The following SMYD3 variants were observed in gnomAD, a reference collection of about 807,000 sequenced individuals.
SMYD3 encodes the protein SET and MYND domain containing 3.
A neutral mutation model predicts 57.7 loss-of-function variants in SMYD3; 36 were observed. That is an observed-to-expected ratio of 0.62 (90% CI 0.48 to 0.82). The LOEUF is 0.82. Ranked by LOEUF, SMYD3 falls within the 40% of genes least tolerant of loss-of-function variation. SMYD3 has a pLI of 0.00. For missense variants in SMYD3, 515 were observed against 538.8 expected, an observed-to-expected ratio of 0.96 and a Z score of 0.44; for synonymous variants, 211 against 195.0, an observed-to-expected ratio of 1.08 and a Z score of -0.68.
chr1:246,181,114 GA>G (rs1202079530), intron 5 of SMYD3, among the ~76,000 whole-genome samples: 1 of 152,172 alleles, frequency 6.6e-6, no homozygotes, highest in Non-Finnish European at 1.5e-5. Context: ...CTGGGATGTG[GA>G]AACAAGTGCT....
intron 5 of SMYD3, among the ~76,000 whole-genome samples, chr1:245,995,060 T>A (rs1239814723): frequency 1.3e-5 from 2 of 151,986 alleles, no homozygotes; most frequent in Non-Finnish European, 2.9e-5. Flanking sequence ...GCCACTGCAC[T>A]CCAGCCTGGT....
chr1:245,806,865 G>A (rs188564853), intron 10 of SMYD3, among the ~76,000 whole-genome samples: 71 of 131,010 alleles, frequency 5.4e-4, no homozygotes, highest in East Asian at 5.4e-3. Flanking sequence ...AGCCGAGATC[G>A]CGCCACTGCA....
At chr1:246,268,744 A>G (rs1558364038) in intron 5 of SMYD3, among the ~76,000 whole-genome samples, 1 of 152,042 alleles carries the variant, frequency 6.6e-6, no homozygotes, top group African/African-American at 2.4e-5. Flanking sequence ...AGAAAAGAAA[A>G]GAAAGAAATG....
intron 10 of SMYD3, among the ~76,000 whole-genome samples, chr1:245,777,676 G>C (rs1016762243): frequency 1.3e-5 from 2 of 152,124 alleles, no homozygotes; most frequent in Non-Finnish European, 2.9e-5. Flanking sequence ...AGCCTTATAG[G>C]CTCAAGGTAT....
intron 10 of SMYD3, among the ~76,000 whole-genome samples, chr1:245,856,067 TG>T (rs2051225103): frequency 6.6e-6 from 1 of 152,224 alleles, no homozygotes; most frequent in African/African-American, 2.4e-5. Context: ...CTCATGCACA[TG>T]TGAGAGGTGA....
intron 1 of SMYD3, among the ~76,000 whole-genome samples, chr1:246,359,605 A>G (rs776595346): frequency 2.0e-5 from 3 of 152,170 alleles, no homozygotes; most frequent in Non-Finnish European, 4.4e-5. Context: ...CATCAAAAAG[A>G]TAATTCATCA....
At chr1:245,811,636 C>A (rs1433108931) in intron 10 of SMYD3, among the ~76,000 whole-genome samples, 1 of 152,086 alleles carries the variant, frequency 6.6e-6, no homozygotes, top group Non-Finnish European at 1.5e-5. Flanking sequence ...CTCTCTCTAC[C>A]AGACACATAA....
intron 10 of SMYD3, among the ~76,000 whole-genome samples, chr1:245,798,733 T>G (rs1311563852): frequency 5.3e-5 from 8 of 152,158 alleles, no homozygotes; most frequent in Admixed American, 5.2e-4. Context: ...CCTTATTAGA[T>G]GACCACTCAA....
At chr1:246,268,037 T>C (rs558433016) in intron 5 of SMYD3, among the ~76,000 whole-genome samples, 2 of 152,280 alleles carry the variant, frequency 1.3e-5, no homozygotes, top group African/African-American at 4.8e-5. Context: ...CACTTATCAA[T>C]TGGGAATTGT....
chr1:246,419,302 G>T (rs2067107429), intron 1 of SMYD3, among the ~76,000 whole-genome samples: 3 of 152,206 alleles, frequency 2.0e-5, no homozygotes, highest in African/African-American at 7.2e-5. Flanking sequence ...TGATTAAAAA[G>T]CTTTATTGCT....
At chr1:245,960,477 G>T (rs1214141833) in intron 5 of SMYD3, among the ~76,000 whole-genome samples, 9 of 152,178 alleles carry the variant, frequency 5.9e-5, no homozygotes, top group Admixed American at 5.9e-4. Flanking sequence ...GCATAGGGCT[G>T]GGCACAGTGG....
chr1:246,171,375 T>G (rs918443665), intron 5 of SMYD3, among the ~76,000 whole-genome samples: 1 of 152,188 alleles, frequency 6.6e-6, no homozygotes, highest in Admixed American at 6.5e-5. Flanking sequence ...TCATAACATT[T>G]TAGATCATTC....
At chr1:245,779,933 A>G (rs927545469) in intron 10 of SMYD3, among the ~76,000 whole-genome samples, 2 of 152,228 alleles carry the variant, frequency 1.3e-5, no homozygotes, top group African/African-American at 4.8e-5. Flanking sequence ...GATGCTCAAC[A>G]TGATTAGCCA....
At chr1:246,489,301 G>A (rs1404846070) in intron 1 of SMYD3, among the ~76,000 whole-genome samples, 6 of 152,032 alleles carry the variant, frequency 3.9e-5, no homozygotes, top group Non-Finnish European at 8.8e-5. Flanking sequence ...GCAGTGAGCC[G>A]AGATCATGCC....
intron 5 of SMYD3, among the ~76,000 whole-genome samples, chr1:246,267,535 C>A (rs113255324): frequency 6.6e-6 from 1 of 152,186 alleles, no homozygotes; most frequent in Non-Finnish European, 1.5e-5. Context: ...GCAAACTGTT[C>A]CTGGTATATA....
At chr1:246,103,069 T>C (rs1381550911) in intron 5 of SMYD3, among the ~76,000 whole-genome samples, 1 of 152,206 alleles carries the variant, frequency 6.6e-6, no homozygotes, top group Non-Finnish European at 1.5e-5. Flanking sequence ...ATGTCTTGTA[T>C]TTCTATCCAC....
intron 5 of SMYD3, among the ~76,000 whole-genome samples, chr1:246,176,774 C>T (rs989752576): frequency 6.6e-6 from 1 of 152,174 alleles, no homozygotes; most frequent in Non-Finnish European, 1.5e-5. Flanking sequence ...CTGCTCACCT[C>T]GGCCTCCCAA....
At chr1:246,119,248 T>C (rs533166831) in intron 5 of SMYD3, among the ~76,000 whole-genome samples, 1 of 152,064 alleles carries the variant, frequency 6.6e-6, no homozygotes, top group Non-Finnish European at 1.5e-5. Context: ...TCCTTCCACC[T>C]TGGCCTCCTA....
At chr1:246,205,520 G>A (rs149879257) in intron 5 of SMYD3, among the ~76,000 whole-genome samples, 1 of 152,280 alleles carries the variant, frequency 6.6e-6, no homozygotes, top group Non-Finnish European at 1.5e-5. Context: ...GACAGGACTA[G>A]ATTAAAAGTT....
Sources: gnomAD v4.1 joint callset for allele counts (sites outside exome capture counted in the v4.1 genomes callset) on GRCh38, gnomAD v4.1.1 for gene constraint, MANE v1.5 for transcripts, NCBI Gene and HGNC (gene_info 2026-07-23, HGNC 2026-07-21) for gene names.